TOX: variants seen among roughly 807,000 people sequenced by gnomAD.
TOX encodes the protein thymocyte selection associated high mobility group box, also known as thymocyte selection-associated high mobility group box protein TOX.
A neutral mutation model predicts 53.7 loss-of-function variants in TOX; 11 were observed. The ratio of observed to expected loss-of-function variants is 0.20; its 90% CI spans 0.13 to 0.34. The LOEUF is 0.34. TOX is among the 10% of genes least tolerant of loss of function. TOX has a pLI of 1.00. For missense variants in TOX, 570 were observed against 664.6 expected, an observed-to-expected ratio of 0.86 and a Z score of 1.56; for synonymous variants, 225 against 245.3, an observed-to-expected ratio of 0.92 and a Z score of 0.77.
intron 3 of TOX, among the ~76,000 whole-genome samples, chr8:58,894,954 C>T (rs879854963): frequency 5.3e-5 from 8 of 151,732 alleles, no homozygotes; most frequent in Non-Finnish European, 8.8e-5. Flanking sequence ...CTTTGGGAGG[C>T]GGAGGCAGGG....
At chr8:58,904,393 AT>A (rs1326082700) in intron 3 of TOX, among the ~76,000 whole-genome samples, 1 of 152,102 alleles carries the variant, frequency 6.6e-6, no homozygotes, top group Non-Finnish European at 1.5e-5. Context: ...TTGTCGTTAG[AT>A]TGTTTAAGGG....
chr8:58,994,391 AGTGTGTGTGT>A (rs34690974), intron 1 of TOX, among the ~76,000 whole-genome samples: 2 of 147,064 alleles, frequency 1.4e-5, no homozygotes, highest in Middle Eastern at 3.6e-3. Flanking sequence ...CAAAATGCCA[AGTGTGTGTGT>A]GTGTGTGTGT....
intron 3 of TOX, among the ~76,000 whole-genome samples, chr8:58,858,635 CCG>C (rs1810954938): frequency 1.3e-5 from 2 of 152,226 alleles, no homozygotes. Context: ...TCTCTCAAGC[CCG>C]TCCATTTACC....
rs1563435353 is a variant in TOX, at chr8:59,066,070, TA to T, written c.102+52815del. Among the ~76,000 whole-genome samples, 5 of 152,316 alleles carry T rather than the reference TA, an allele frequency of 3.3e-5. No homozygotes were observed. In the South Asian group the frequency reaches 1.0e-3, roughly 32 times the overall value. On this transcript the variant is annotated intron_variant, in intron 1 of 8. Transcript: ENST00000361421. ...TACACAGGAAAAAACGAGGAGCATT[TA>T]AATGAGGGAGGAAAGTATACCAAAC...
chr8:58,849,759 A>G (rs538827288), intron 4 of TOX, among the ~76,000 whole-genome samples: 1 of 152,346 alleles, frequency 6.6e-6, no homozygotes, highest in African/African-American at 2.4e-5. Flanking sequence ...AGATACAAAA[A>G]TTGATCTTTA....
chr8:59,100,296 T>C (rs1804784900), intron 1 of TOX, among the ~76,000 whole-genome samples: 2 of 152,334 alleles, frequency 1.3e-5, no homozygotes, highest in Admixed American at 1.3e-4. Flanking sequence ...ATGAAGTCCT[T>C]TGAATTATTA....
chr8:59,062,820 G>A (rs1419579184), intron 1 of TOX, among the ~76,000 whole-genome samples: 2 of 152,090 alleles, frequency 1.3e-5, no homozygotes, highest in African/African-American at 2.4e-5. Context: ...GAGAGAAAGA[G>A]AGAAAGAAAG....
chr8:58,835,473 T>A (rs1180109532), intron 5 of TOX, among the ~76,000 whole-genome samples: 1 of 152,188 alleles, frequency 6.6e-6, no homozygotes, highest in Non-Finnish European at 1.5e-5. Context: ...TAAATAACTT[T>A]GATGGTTAGA....
At chr8:58,823,589 C>T (rs1372888866) in intron 6 of TOX, among the ~76,000 whole-genome samples, 1 of 152,198 alleles carries the variant, frequency 6.6e-6, no homozygotes, top group Non-Finnish European at 1.5e-5. Flanking sequence ...GACTCAATTT[C>T]ACAGGTAGAG....
At chr8:58,926,965 C>T (rs1043723216) in intron 3 of TOX, among the ~76,000 whole-genome samples, 5 of 152,028 alleles carry the variant, frequency 3.3e-5, no homozygotes, top group Non-Finnish European at 5.9e-5. Flanking sequence ...GGACCTACAA[C>T]TTTAGGTACT....
At chr8:58,832,857 G>A (rs1006112781) in intron 5 of TOX, among the ~76,000 whole-genome samples, 1 of 152,088 alleles carries the variant, frequency 6.6e-6, no homozygotes, top group Non-Finnish European at 1.5e-5. Context: ...AAAATAATGA[G>A]GTGTTGCTAT....
intron 1 of TOX, among the ~76,000 whole-genome samples, chr8:59,107,873 T>TA (rs1309847522): frequency 1.4e-4 from 22 of 152,324 alleles, no homozygotes; most frequent in East Asian, 7.7e-4. Context: ...TAGATGTGTT[T>TA]AACTATTTGG....
rs182498899 is a variant in TOX at position 59,041,303 on chromosome 8, T to C, written c.102+77583A>G. 2.6e-5 allele frequency among the ~76,000 whole-genome samples: 4 copies of C among 152,288 alleles called. No individual in the cohort carries two copies. The East Asian group carries it at 7.7e-4, about 29-fold the overall frequency. Reference sequence around the variant, plus strand: ...AACCAAACTGTGTTGCTCTGGCACCTTCTTTCACTCCCCCATCCTGAGCCT... The same window carrying C: ...AACCAAACTGTGTTGCTCTGGCACCCTCTTTCACTCCCCCATCCTGAGCCT... On this transcript the variant is annotated intron_variant, in intron 1 of 8. Coordinates refer to ENST00000361421, the MANE Select transcript of TOX (RefSeq NM_014729.3).
intron 1 of TOX, among the ~76,000 whole-genome samples, chr8:59,037,167 C>CTT (rs35751133): frequency 2.6e-4 from 37 of 142,958 alleles, no homozygotes; most frequent in South Asian, 6.7e-4. Flanking sequence ...TTCCAAGCTC[C>CTT]TTTTTTTTTT....
intron 1 of TOX, among the ~76,000 whole-genome samples, chr8:59,097,721 T>C (rs1804735930): frequency 6.6e-6 from 1 of 152,172 alleles, no homozygotes; most frequent in Non-Finnish European, 1.5e-5. Context: ...ATAGAAAGTC[T>C]CCATGGTTTC....
chr8:58,816,457 A>G (rs1219228809), intron 6 of TOX, among the ~76,000 whole-genome samples: 3 of 152,180 alleles, frequency 2.0e-5, no homozygotes, highest in Non-Finnish European at 4.4e-5. Flanking sequence ...TCCTAATAAT[A>G]TTTTAATTGA....
chr8:59,009,577 T>C (rs1410126266), intron 1 of TOX, among the ~76,000 whole-genome samples: 1 of 152,088 alleles, frequency 6.6e-6, no homozygotes, highest in Non-Finnish European at 1.5e-5. Context: ...TTTACCATGT[T>C]GGCCAGGCTG....
At chr8:59,002,217 G>T (rs566107267) in intron 1 of TOX, among the ~76,000 whole-genome samples, 90 of 147,968 alleles carry the variant, frequency 6.1e-4, no homozygotes, top group African/African-American at 2.1e-3. Context: ...AGGGTGATCT[G>T]CCCACCTCGG....
At chr8:58,891,956 C>A (rs1256757456) in intron 3 of TOX, among the ~76,000 whole-genome samples, 1 of 152,162 alleles carries the variant, frequency 6.6e-6, no homozygotes, top group South Asian at 2.1e-4. Flanking sequence ...CACCCGGTTT[C>A]TACTACCTAG....
Sources: gnomAD v4.1 joint callset for allele counts (sites outside exome capture counted in the v4.1 genomes callset) on GRCh38, gnomAD v4.1.1 for gene constraint, MANE v1.5 for transcripts, NCBI Gene and HGNC (gene_info 2026-07-23, HGNC 2026-07-21) for gene names.